IQSEC3: variants seen among roughly 807,000 people sequenced by gnomAD.
IQSEC3 encodes the protein IQ motif and Sec7 domain ArfGEF 3.
Under a neutral mutation model 105.4 loss-of-function variants are expected in IQSEC3, and 50 were observed. The ratio of observed to expected loss-of-function variants is 0.47; its 90% CI spans 0.38 to 0.60. The LOEUF is 0.60. IQSEC3 is among the 20% of genes least tolerant of loss of function. The pLI is 0.00. For missense variants in IQSEC3, 1,415 were observed against 1,630.0 expected (o/e 0.87, Z 2.27); for synonymous variants, 708 against 746.0 (o/e 0.95, Z 0.83).
intron 1 of IQSEC3, among the ~76,000 whole-genome samples, chr12:76,086 TCACA>T (rs55736036): frequency 0.16 from 23,338 of 146,580 alleles, 433 homozygotes; most frequent in Middle Eastern, 0.2. Context: ...GAGAGTTTCA[TCACA>T]CACACACACA....
intron 1 of IQSEC3, among the ~76,000 whole-genome samples, chr12:80,543 T>C (rs1224704400): frequency 5.3e-5 from 8 of 152,250 alleles, no homozygotes; most frequent in African/African-American, 1.2e-4. Context: ...GTTTTCTTCT[T>C]TCTGTAAGTA....
chr12:160,166 C>T (rs1489499633), intron 7 of IQSEC3, among the ~76,000 whole-genome samples: 1 of 120,262 alleles, frequency 8.3e-6, no homozygotes, highest in Non-Finnish European at 1.6e-5. Context: ...CTTCTGGAGT[C>T]CTTTTTTCTG....
intron 5 of IQSEC3, among the ~76,000 whole-genome samples, chr12:147,284 ATAT>A (rs1162248236): frequency 6.6e-6 from 1 of 152,104 alleles, no homozygotes; most frequent in African/African-American, 2.4e-5. Context: ...AGGCCGTGAA[ATAT>A]TATGCCAGCT....
intron 2 of IQSEC3, among the ~76,000 whole-genome samples, chr12:99,871 G>C (rs1034233055): frequency 1.3e-5 from 2 of 152,110 alleles, no homozygotes; most frequent in African/African-American, 4.8e-5. Flanking sequence ...CTCCGCATCT[G>C]CCTCTGTCTC....
chr12:146,325 A>C (rs1480231742), intron 5 of IQSEC3, among the ~76,000 whole-genome samples: 3 of 152,176 alleles, frequency 2.0e-5, no homozygotes, highest in African/African-American at 7.2e-5. Flanking sequence ...AGGAGATAAA[A>C]AGAGGCCCAG....
chr12:98,494 A>G (rs144244874), intron 1 of IQSEC3, among the ~76,000 whole-genome samples: 4 of 152,298 alleles, frequency 2.6e-5, no homozygotes, highest in Non-Finnish European at 5.9e-5. Flanking sequence ...CCCTTATTTC[A>G]TTAGTAAGTC....
At chr12:113,579 T>C (rs1864961464) in intron 2 of IQSEC3, among the ~76,000 whole-genome samples, 1 of 152,134 alleles carries the variant, frequency 6.6e-6, no homozygotes, top group South Asian at 2.1e-4. Flanking sequence ...TACTGAAGCT[T>C]TGAAGTCTTG....
chr12:78,751 C>T (rs1259365501), intron 1 of IQSEC3, among the ~76,000 whole-genome samples: 2 of 152,080 alleles, frequency 1.3e-5, no homozygotes, highest in Non-Finnish European at 2.9e-5. Flanking sequence ...CGAATGGTAC[C>T]ACCCTCCTGG....
At chr12:173,288 G>A (rs1939104763) in intron 13 of IQSEC3, among the ~76,000 whole-genome samples, 1 of 152,188 alleles carries the variant, frequency 6.6e-6, no homozygotes, top group Admixed American at 6.5e-5. Context: ...TGCTGAGGTT[G>A]GAGGCTGAGA....
At chr12:73,159 G>T (rs1457322760) in intron 1 of IQSEC3, among the ~76,000 whole-genome samples, 7 of 151,562 alleles carry the variant, frequency 4.6e-5, no homozygotes, top group Non-Finnish European at 2.9e-5. Flanking sequence ...AGGAATTTCA[G>T]GTAACCACTG....
At chr12:115,178 C>A (rs1298531208) in intron 2 of IQSEC3, among the ~76,000 whole-genome samples, 9 of 152,204 alleles carry the variant, frequency 5.9e-5, no homozygotes, top group Non-Finnish European at 1.3e-4. Flanking sequence ...TCACAAGACT[C>A]CTGTTTTCAG....
At chr12:94,768 G>A (rs2136909735) in intron 1 of IQSEC3, among the ~76,000 whole-genome samples, 1 of 152,346 alleles carries the variant, frequency 6.6e-6, no homozygotes, top group Middle Eastern at 3.4e-3. Context: ...TGGGAAACAG[G>A]GGCAGGATCA....
Position 167,176 on chromosome 12 carries a change from G to C in IQSEC3, c.2971+1286G>C, listed in dbSNP as rs963293030. ...ACAAACAGATTCTTTTCAAGGGCTG[G>C]ACCGGATCCCCAGAGAGGCCGCCTC... On this transcript the variant is annotated intron_variant, in intron 11 of 13. Coordinates refer to ENST00000538872, the MANE Select transcript of IQSEC3 (RefSeq NM_001170738.2). 2.6e-5 allele frequency: 4 copies of C among 152,134 alleles called. No individual in the cohort carries two copies. In the East Asian group the frequency reaches 7.7e-4, roughly 29 times the overall value. 9.4% of individuals were successfully genotyped at this position (152,134 alleles called of 1,614,324 possible).
chr12:68,678 G>A (rs1555066685), intron 1 of IQSEC3, among the ~76,000 whole-genome samples: 1 of 152,272 alleles, frequency 6.6e-6, no homozygotes, highest in African/African-American at 2.4e-5. Context: ...TGGGGAGGGG[G>A]AAGTAGAGCT....
Position 163,669 on chromosome 12 carries a change from G to A in IQSEC3, c.2709+50G>A, listed in dbSNP as rs1555097239. The A allele has an allele frequency of 1.2e-5, 12 of 1,043,306 alleles. No individual in the cohort carries two copies. In the South Asian group the frequency reaches 1.2e-4, roughly 10 times the overall value. 64.6% of individuals were successfully genotyped at this position (1,043,306 alleles called of 1,614,324 possible). On this transcript the variant is annotated intron_variant, in intron 9 of 13. Coordinates refer to ENST00000538872, the MANE Select transcript of IQSEC3 (RefSeq NM_001170738.2). ...GGGCTGGGCTGGGGCTGCCTCTGCC[G>A]CCCTGGTCAGCCTGGGCAGGGTCCC...
intron 1 of IQSEC3, among the ~76,000 whole-genome samples, chr12:80,746 GA>G (rs1235192560): frequency 1.3e-5 from 2 of 152,196 alleles, no homozygotes; most frequent in African/African-American, 4.8e-5. Context: ...GAGCCCTGGA[GA>G]AAAAGCAGAG....
rs549844604 is a variant in IQSEC3 at position 174,116 on chromosome 12, C to T, written c.3115-483C>T. Among the ~76,000 whole-genome samples, 37 of 152,236 alleles carry T rather than the reference C, an allele frequency of 2.4e-4. 1 individual carries two copies. The South Asian group carries it at 2.5e-3, about 10-fold the overall frequency. ...GGGGTTTAAGCCTCTATGAGGTCGA[C>T]GGTGCCAATGATCCTTCCTCTATAA... On this transcript the variant is annotated intron_variant, in intron 13 of 13. Coordinates refer to ENST00000538872, the MANE Select transcript of IQSEC3 (RefSeq NM_001170738.2).
At chr12:171,725 G>T (rs1034812839) in intron 13 of IQSEC3, among the ~76,000 whole-genome samples, 1 of 151,832 alleles carries the variant, frequency 6.6e-6, no homozygotes, top group Non-Finnish European at 1.5e-5. Context: ...CGGAACAACT[G>T]GTCCATCTGG....
At position 141,160 on chromosome 12, in the gene IQSEC3, C is replaced by T. The variant is rs144089662; in HGVS notation, c.2028C>T (p.Arg676=). The T allele has an allele frequency of 8.0e-4, 1,285 of 1,613,226 alleles. 2 individuals carry two copies. The highest frequency in any genetic ancestry group is 2.6e-3 in the Admixed American group (155 of 59,952). The change falls in exon 5 of 14, where the codon CGC becomes CGT. Residue 676 remains arginine, a synonymous_variant. Coordinates refer to ENST00000538872, the MANE Select transcript of IQSEC3 (RefSeq NM_001170738.2). ...PDKGIQFLIS[R]GFIPDTPIGV... The stretch of plus-strand genomic sequence containing the variant: ...AGGGCATCCAGTTCCTGATCTCACG[C>T]GGCTTCATCCCGGACACCCCCATCG...
Sources: allele counts gnomAD v4.1 joint callset (sites outside exome capture counted in the v4.1 genomes callset), GRCh38; gene constraint gnomAD v4.1.1; transcripts MANE v1.5; gene names NCBI Gene and HGNC (gene_info 2026-07-23, HGNC 2026-07-21).